LRRC2: variants seen among roughly 807,000 people sequenced by gnomAD.
LRRC2 encodes the protein leucine rich repeat containing 2, also known as leucine-rich repeat-containing protein 2.
Under a neutral mutation model 40.2 loss-of-function variants are expected in LRRC2, and 27 were observed. The observed-to-expected ratio is 0.67, with a 90% CI of 0.49 to 0.93. LRRC2 has a LOEUF of 0.93. LRRC2 is among the 40% of genes least tolerant of loss of function. LRRC2 has a pLI of 0.00. For synonymous variants in LRRC2, 147 were observed against 158.9 expected (o/e 0.92, Z 0.56); for missense variants, 402 against 439.6 (o/e 0.91, Z 0.76).
At chr3:46,557,173 G>T (rs1704823273) in intron 1 of LRRC2, among the ~76,000 whole-genome samples, 1 of 152,150 alleles carries the variant, frequency 6.6e-6, no homozygotes, top group Admixed American at 6.5e-5. Flanking sequence ...CGCCTTAACT[G>T]ATGACATTCC....
chr3:46,559,169 TG>T (rs1704881091), intron 1 of LRRC2: 1 of 152,238 alleles, frequency 6.6e-6, no homozygotes, highest in African/African-American at 2.4e-5. Flanking sequence ...GTATCTAACC[TG>T]CAAAGATCTT....
At chr3:46,530,143 GGCATTTCTATGAATATAT>G in intron 5 of LRRC2, 93 bp from the exon 6 acceptor site, 1 of 1,050,066 alleles carries the variant, frequency 9.5e-7, no homozygotes, top group Admixed American at 2.0e-5. Flanking sequence ...CTTCCCCAAA[GGCATTTCTATGAATATAT>G]GCAAAGCAGA....
At chr3:46,546,021 C>T (rs1413815391) in intron 2 of LRRC2, among the ~76,000 whole-genome samples, 14 of 152,182 alleles carry the variant, frequency 9.2e-5, no homozygotes, top group Admixed American at 8.5e-4. Context: ...TGTTGTCTGA[C>T]TCAAAATAAG....
intron 1 of LRRC2, among the ~76,000 whole-genome samples, chr3:46,560,314 C>T (rs959757656): frequency 6.6e-6 from 1 of 152,206 alleles, no homozygotes; most frequent in African/African-American, 2.4e-5. Flanking sequence ...GTGCCAGTCC[C>T]TCAGCAGCTC....
chr3:46,519,479 C>A (rs1703927510), intron 8 of LRRC2, among the ~76,000 whole-genome samples: 1 of 152,174 alleles, frequency 6.6e-6, no homozygotes, highest in African/African-American at 2.4e-5. Context: ...AACCATACAC[C>A]ATCTTTGAAA....
chr3:46,531,382 C>T (rs112446439), intron 5 of LRRC2, among the ~76,000 whole-genome samples: 11 of 152,090 alleles, frequency 7.2e-5, no homozygotes, highest in African/African-American at 2.7e-4. Context: ...ATGTAGATTA[C>T]ACTTTAATAA....
intron 1 of LRRC2, among the ~76,000 whole-genome samples, chr3:46,564,167 C>A (rs1705009380): frequency 6.6e-6 from 1 of 151,938 alleles, no homozygotes; most frequent in Non-Finnish European, 1.5e-5. Context: ...CCTGTAGAAG[C>A]CAAAAGAGAA....
intron 4 of LRRC2, among the ~76,000 whole-genome samples, chr3:46,533,799 G>GTTTC (rs139748444): frequency 4.9e-5 from 3 of 60,790 alleles, no homozygotes; most frequent in Admixed American, 1.9e-4. Flanking sequence ...TTCTTTCTTT[G>GTTTC]TTTCTTTCTT....
In LRRC2 at chr3:46,530,663, G is replaced by A. The variant is rs571371495; in HGVS notation, c.628-613C>T. 7.9e-5 allele frequency among the ~76,000 whole-genome samples: 12 copies of A among 152,312 alleles called. No homozygotes were observed. In the South Asian group the frequency reaches 8.3e-4, roughly 11 times the overall value. The stretch of plus-strand genomic sequence containing the variant: ...TCATGGTGGAAGGCAAAGGAGAAGC[G>A]AAGGCACGTCTTACATGGCAGCAGG... On this transcript the variant is annotated intron_variant, in intron 5 of 8. Transcript: ENST00000395905.
chr3:46,528,967 A>C (rs1704110883), intron 6 of LRRC2, among the ~76,000 whole-genome samples: 1 of 152,082 alleles, frequency 6.6e-6, no homozygotes, highest in Admixed American at 6.6e-5. Context: ...ATTTTAAAAA[A>C]GTAGCCAGGC....
chr3:46,559,126 C>T (rs1704880648), intron 1 of LRRC2: 1 of 152,134 alleles, frequency 6.6e-6, no homozygotes, highest in Admixed American at 6.5e-5. Flanking sequence ...TTTCTTTTAC[C>T]ACTTTTCTTA....
intron 1 of LRRC2, among the ~76,000 whole-genome samples, chr3:46,555,349 T>C (rs539254303): frequency 2.8e-4 from 43 of 152,286 alleles, no homozygotes; most frequent in Middle Eastern, 6.8e-3. Context: ...CATTTATATT[T>C]AATACACTTA....
At chr3:46,540,991 A>G (rs1162106079) in intron 3 of LRRC2, among the ~76,000 whole-genome samples, 1 of 152,246 alleles carries the variant, frequency 6.6e-6, no homozygotes, top group Non-Finnish European at 1.5e-5. Flanking sequence ...CACACATGAA[A>G]GATTATTAAA....
intron 4 of LRRC2, among the ~76,000 whole-genome samples, chr3:46,538,542 G>A (rs1188172508): frequency 1.3e-5 from 2 of 152,046 alleles, no homozygotes; most frequent in African/African-American, 4.8e-5. Context: ...GCTGAGGCAG[G>A]AGAATCACTT....
At chr3:46,541,232 C>A (rs2107016168) in intron 3 of LRRC2, among the ~76,000 whole-genome samples, 1 of 151,004 alleles carries the variant, frequency 6.6e-6, no homozygotes, top group South Asian at 2.1e-4. Context: ...GCTCGGGAGG[C>A]TGAGGCAGGA....
rs757098994 is a variant in LRRC2, at chr3:46,545,252, T to C, written c.127A>G (p.Ile43Val). ...ERLEKSALEK[I>V]KEEWNFVAEC... ...GCCACAAAGTTCCACTCCTCCTTTA[T>C]CCTAAAACAGGCAGCAGGGGTCACA... Residue 43 changes from isoleucine to valine, a missense_variant and splice_region_variant, in exon 3 of 9, where the codon ATA (isoleucine) becomes GTA (valine). Coordinates refer to ENST00000395905, the MANE Select transcript of LRRC2 (RefSeq NM_024512.5). 6 of 1,613,882 alleles carry C rather than the reference T, an allele frequency of 3.7e-6. No individual in the cohort carries two copies. The highest frequency in any genetic ancestry group is 1.3e-5 in the African/African-American group (1 of 74,996).
Position 46,539,046 on chromosome 3 carries a change from G to T in LRRC2, c.489C>A (p.Ile163=). The T allele has an allele frequency of 6.2e-7, 1 of 1,613,386 alleles. No individual in the cohort carries two copies. The highest frequency in any genetic ancestry group is 8.5e-7 in the Non-Finnish European group (1 of 1,179,736). Reference sequence around the variant, plus strand: ...AAGACCCCTGCTAAGTTGACATACCGATTTCTGCTGGAAGATGTGAGATTT... The same window carrying T: ...AAGACCCCTGCTAAGTTGACATACCTATTTCTGCTGGAAGATGTGAGATTT... ...KNQISHLPAE[I]GCLKNLKELN... is the part of the protein sequence containing the mutation. The change falls in exon 4 of 9, where the codon ATC becomes ATA. Residue 163 remains isoleucine, a splice_region_variant and synonymous_variant. Coordinates refer to ENST00000395905, the MANE Select transcript of LRRC2 (RefSeq NM_024512.5).
chr3:46,555,477 A>T (rs1704771159), intron 1 of LRRC2, among the ~76,000 whole-genome samples: 1 of 151,578 alleles, frequency 6.6e-6, no homozygotes, highest in South Asian at 2.1e-4. Flanking sequence ...TTAGAATTCC[A>T]TTTTAGTTTC....
chr3:46,533,307 G>A (rs1417098892), intron 4 of LRRC2, among the ~76,000 whole-genome samples: 1 of 152,166 alleles, frequency 6.6e-6, no homozygotes. Context: ...TTTCCAGTAA[G>A]GGGAAGATAA....
Sources: allele counts gnomAD v4.1 joint callset (sites outside exome capture counted in the v4.1 genomes callset), GRCh38; gene constraint gnomAD v4.1.1; transcripts MANE v1.5; gene names NCBI Gene and HGNC (gene_info 2026-07-23, HGNC 2026-07-21).